EVA1C: variants seen among roughly 807,000 people sequenced by gnomAD.
EVA1C encodes the protein protein eva-1 homolog C.
A neutral mutation model predicts 45.4 loss-of-function variants in EVA1C; 25 were observed. That is an observed-to-expected ratio of 0.55 (90% CI 0.40 to 0.77). The LOEUF (loss-of-function observed/expected upper bound fraction) is 0.77. Among genes scored for constraint, EVA1C ranks in the 30% least tolerant of loss-of-function variants. The probability of loss-of-function intolerance (pLI) is 0.00; values close to 1 mark genes in which losing one functional copy is unlikely to be tolerated. For missense variants in EVA1C, 479 were observed against 554.8 expected (o/e 0.86, Z 1.37); for synonymous variants, 190 against 221.2 (o/e 0.86, Z 1.25).
In EVA1C at chr21:32,507,434, G is replaced by A. The variant is rs531750525; in HGVS notation, c.949+3419G>A. On this transcript the variant is annotated intron_variant, in intron 7 of 7. Coordinates refer to ENST00000300255, the MANE Select transcript of EVA1C (RefSeq NM_058187.5). ...TGTGTGTGTATGTGTGCACGTGTGTGTGCATAGGTGTCTATGCGTGTGCGT... is the reference window on the plus strand; with the variant it reads ...TGTGTGTGTATGTGTGCACGTGTGTATGCATAGGTGTCTATGCGTGTGCGT... 2.6e-5 allele frequency among the ~76,000 whole-genome samples: 4 copies of A among 151,236 alleles called. No individual in the cohort carries two copies. In the South Asian group the frequency reaches 8.4e-4, roughly 32 times the overall value.
At chr21:32,466,228 G>A (rs11911900) in intron 3 of EVA1C, among the ~76,000 whole-genome samples, 56,773 of 151,938 alleles carry the variant, frequency 0.37, 10,955 homozygotes, top group East Asian at 0.49. Context: ...AGACCATCCT[G>A]GCTAACACGG....
chr21:32,507,589 CATGT>C (rs1184414731), intron 7 of EVA1C, among the ~76,000 whole-genome samples: 1 of 148,622 alleles, frequency 6.7e-6, no homozygotes, highest in African/African-American at 2.5e-5. Flanking sequence ...TATGTGTGTG[CATGT>C]GTGTTTCTAT....
At chr21:32,447,629 A>G (rs2146225345) in intron 1 of EVA1C, among the ~76,000 whole-genome samples, 1 of 152,084 alleles carries the variant, frequency 6.6e-6, no homozygotes, top group East Asian at 1.9e-4. Flanking sequence ...AGGCCTGTGG[A>G]CATCTTTGGG....
intron 1 of EVA1C, among the ~76,000 whole-genome samples, chr21:32,442,414 G>T (rs11909937): frequency 0.18 from 26,974 of 151,834 alleles, 3,086 homozygotes; most frequent in African/African-American, 0.32. Flanking sequence ...GGTGTGTAGT[G>T]CCAGTCCTGA....
In EVA1C at chr21:32,474,343, C is replaced by G. The variant is rs1026027581; in HGVS notation, c.634+6495C>G. The stretch of plus-strand genomic sequence containing the variant: ...GCACACGCCTCTTCCCTCACTACCT[C>G]TGGAGCACTCCACCTTTATTCATAC... On this transcript the variant is annotated intron_variant, in intron 4 of 7. Coordinates refer to ENST00000300255, the MANE Select transcript of EVA1C (RefSeq NM_058187.5). This position sits in a 1 kb window ranked among gnomAD's most constrained non-coding sequence, Gnocchi z 4.4. 6.6e-6 allele frequency among the ~76,000 whole-genome samples: 1 copy of G among 152,238 alleles called. No individual in the cohort carries two copies. Among genetic ancestry groups the G allele is most frequent in the Non-Finnish European group, 1.5e-5 (1 of 68,048 alleles).
intron 4 of EVA1C, among the ~76,000 whole-genome samples, chr21:32,494,551 A>G (rs2037276980): frequency 6.6e-6 from 1 of 152,124 alleles, no homozygotes; most frequent in East Asian, 1.9e-4. Context: ...GGGAGGCCGA[A>G]GCAGGCAAAT....
intron 1 of EVA1C, among the ~76,000 whole-genome samples, chr21:32,416,304 CTTTTCTTTTTCT>C (rs951071590): frequency 1.5e-5 from 2 of 134,544 alleles, no homozygotes; most frequent in Non-Finnish European, 3.1e-5. Context: ...CCTTTCTCTC[CTTTTCTTTTTCT>C]TTTTCTTTTT....
At chr21:32,415,275 G>C (rs910958838) in intron 1 of EVA1C, among the ~76,000 whole-genome samples, 4 of 152,198 alleles carry the variant, frequency 2.6e-5, no homozygotes, top group African/African-American at 9.6e-5. Flanking sequence ...CTAGAGAGCA[G>C]TGTTTGACAA....
At chr21:32,462,690 C>T (rs1413172585) in intron 3 of EVA1C, among the ~76,000 whole-genome samples, 4 of 152,346 alleles carry the variant, frequency 2.6e-5, no homozygotes, top group African/African-American at 7.2e-5. Context: ...GCAAGGAACA[C>T]CTGGCCCACC....
At chr21:32,437,017 G>A (rs892832769) in intron 1 of EVA1C, among the ~76,000 whole-genome samples, 9 of 152,120 alleles carry the variant, frequency 5.9e-5, no homozygotes, top group South Asian at 2.1e-4. Flanking sequence ...AAAATTAGCC[G>A]GGCGTGGTGG....
chr21:32,501,471 T>C lies in EVA1C; in HGVS notation c.835T>C (p.Leu279=), dbSNP rs746714613. Residue 279 remains leucine (L), a synonymous_variant, in exon 6 of 8, where the codon TTG becomes CTG. Transcript: ENST00000300255. The stretch of plus-strand genomic sequence containing the variant: ...AGCCATTGCTAATCTAAAACCTTCT[T>C]TGAAGCAGAAAGATGGTGAATATGG... ...DPAIANLKPS[L]KQKDGEYGIN... The C allele has an allele frequency of 2.0e-5, 32 of 1,595,142 alleles. No homozygotes were observed. The highest frequency in any genetic ancestry group is 2.7e-5 in the Non-Finnish European group (32 of 1,178,550).
intron 7 of EVA1C, among the ~76,000 whole-genome samples, chr21:32,512,098 A>G (rs961391067): frequency 1.3e-5 from 2 of 152,182 alleles, no homozygotes; most frequent in African/African-American, 4.8e-5. Flanking sequence ...TATATAAAAA[A>G]GGAAACAGGG....
chr21:32,451,688 C>T (rs1320289871), intron 1 of EVA1C, among the ~76,000 whole-genome samples: 1 of 152,210 alleles, frequency 6.6e-6, no homozygotes, highest in Non-Finnish European at 1.5e-5. Context: ...TCCTTCCTGG[C>T]CTTTTCCAGC....
chr21:32,419,548 G>C (rs1360912324), intron 1 of EVA1C, among the ~76,000 whole-genome samples: 1 of 151,938 alleles, frequency 6.6e-6, no homozygotes, highest in Non-Finnish European at 1.5e-5. Context: ...AACCCCATCT[G>C]TACTAAAAAT....
intron 1 of EVA1C, among the ~76,000 whole-genome samples, chr21:32,451,144 C>T (rs550039853): frequency 6.6e-6 from 1 of 152,184 alleles, no homozygotes; most frequent in East Asian, 1.9e-4. Context: ...CTGGATTGGG[C>T]GCCTGGATTT....
chr21:32,426,251 T>C (rs565250774), intron 1 of EVA1C, among the ~76,000 whole-genome samples: 1 of 152,302 alleles, frequency 6.6e-6, no homozygotes, highest in Middle Eastern at 3.4e-3. Flanking sequence ...AAGTGAAATA[T>C]TGCTCTGGAG....
intron 2 of EVA1C, among the ~76,000 whole-genome samples, chr21:32,455,431 A>G (rs1177929841): frequency 1.3e-5 from 2 of 152,164 alleles, no homozygotes; most frequent in East Asian, 1.9e-4. Context: ...AGCAGCAATT[A>G]CATTTCAATG....
rs947448857 is a variant in EVA1C, at chr21:32,474,766, G to A, written c.634+6918G>A. Among the ~76,000 whole-genome samples the A allele has an allele frequency of 1.3e-5, 2 of 152,212 alleles. No individual in the cohort carries two copies. The highest frequency in any genetic ancestry group is 4.8e-5 in the African/African-American group (2 of 41,448). Reference sequence around the variant, plus strand: ...GCTCCCGAGGATGGATAATCGTCTGGTTACAGACTGGGAATGTAGGCCTGG... The same window carrying A: ...GCTCCCGAGGATGGATAATCGTCTGATTACAGACTGGGAATGTAGGCCTGG... On this transcript the variant is annotated intron_variant, in intron 4 of 7. Coordinates refer to ENST00000300255, the MANE Select transcript of EVA1C (RefSeq NM_058187.5). The surrounding 1 kb of genome is among the most constrained non-coding windows in gnomAD (Gnocchi z 4.4).
intron 1 of EVA1C, among the ~76,000 whole-genome samples, chr21:32,432,892 T>A (rs1418721627): frequency 6.6e-6 from 1 of 152,038 alleles, no homozygotes; most frequent in South Asian, 2.1e-4. Context: ...GGCTGATTTA[T>A]TTTATTTATT....
Sources: gnomAD v4.1 joint callset for allele counts (sites outside exome capture counted in the v4.1 genomes callset) on GRCh38, gnomAD v4.1.1 for gene constraint, Gnocchi (gnomAD v3.1) non-coding constraint, MANE v1.5 for transcripts, NCBI Gene and HGNC (gene_info 2026-07-23, HGNC 2026-07-21) for gene names.